DIAPH1: variants seen among roughly 807,000 people sequenced by gnomAD.
The protein encoded by DIAPH1 is protein diaphanous homolog 1.
DIAPH1 carries 46 observed loss-of-function variants against 140.7 expected under a neutral mutation model. The observed-to-expected ratio is 0.33, with a 90% CI of 0.26 to 0.42. The LOEUF is 0.42. DIAPH1 is among the 10% of genes least tolerant of loss of function. DIAPH1 has a pLI of 1.00. For synonymous variants in DIAPH1, 565 were observed against 551.6 expected (o/e 1.02, Z -0.34); for missense variants, 1,310 against 1,558.7 (o/e 0.84, Z 2.69).
intron 24 of DIAPH1, among the ~76,000 whole-genome samples, chr5:141,527,208 T>C (rs973626780): frequency 6.6e-6 from 1 of 152,014 alleles, no homozygotes; most frequent in Admixed American, 6.6e-5. Context: ...TCAGGAACTA[T>C]GCAGCCTGGG....
chr5:141,579,725 G>A (rs1015735659), intron 8 of DIAPH1, among the ~76,000 whole-genome samples: 5 of 152,018 alleles, frequency 3.3e-5, no homozygotes, highest in East Asian at 1.9e-4. Context: ...CGAGGCGGGC[G>A]GATCACAAGG....
At chr5:141,575,485 C>T (rs1217534384) in intron 14 of DIAPH1, among the ~76,000 whole-genome samples, 1 of 152,074 alleles carries the variant, frequency 6.6e-6, no homozygotes, top group East Asian at 1.9e-4. Flanking sequence ...CTAGCCTCTA[C>T]CAAAAATACA....
chr5:141,535,840 G>C (rs759119881), intron 18 of DIAPH1, among the ~76,000 whole-genome samples: 4 of 152,218 alleles, frequency 2.6e-5, no homozygotes, highest in Admixed American at 6.5e-5. Context: ...AGCTGCCTCT[G>C]AGCAGAGGAA....
intron 4 of DIAPH1, 78 bp from the exon 5 acceptor site, chr5:141,583,693 T>C (rs2099897108): frequency 6.4e-7 from 1 of 1,562,972 alleles, no homozygotes. Flanking sequence ...TCAATAGAGT[T>C]TATACTTTAT....
At chr5:141,609,033 T>A (rs2099901388) in intron 1 of DIAPH1, among the ~76,000 whole-genome samples, 2 of 152,100 alleles carry the variant, frequency 1.3e-5, no homozygotes, top group Admixed American at 1.3e-4. Context: ...AAAATAATAA[T>A]TTAAGCATCA....
At chr5:141,541,929 C>T (rs2099890048) in intron 18 of DIAPH1, among the ~76,000 whole-genome samples, 1 of 152,094 alleles carries the variant, frequency 6.6e-6, no homozygotes, top group Non-Finnish European at 1.5e-5. Flanking sequence ...GTTCATAGAA[C>T]ATAAAATTCA....
chr5:141,577,030 T>C (rs1337050070), intron 12 of DIAPH1, among the ~76,000 whole-genome samples, 159 bp from the exon 13 acceptor site: 1 of 152,180 alleles, frequency 6.6e-6, no homozygotes, highest in East Asian at 1.9e-4. Flanking sequence ...GAAAACTCCT[T>C]TTTCCACATC....
intron 18 of DIAPH1, chr5:141,535,965 AC>A (rs2099888943): frequency 4.3e-6 from 2 of 464,166 alleles, no homozygotes; most frequent in African/African-American, 2.0e-5. Flanking sequence ...AAGAATTAAA[AC>A]AAAAAAGTTA....
rs1362380238 is a variant in DIAPH1, at chr5:141,583,623, G to A, written c.403-8C>T. 6.2e-7 allele frequency: 1 copy of A among 1,614,106 alleles called. No homozygotes were observed. The highest frequency in any genetic ancestry group is 8.5e-7 in the Non-Finnish European group (1 of 1,180,046). Reference sequence around the variant, plus strand: ...CTCCTTCTGGCTCATGCCCTAGACAGAAGGCATAGACAGAGATTAGTAATG... The same window carrying A: ...CTCCTTCTGGCTCATGCCCTAGACAAAAGGCATAGACAGAGATTAGTAATG... On this transcript the variant is annotated splice_region_variant and splice_polypyrimidine_tract_variant and intron_variant, in intron 4 of 27. Transcript: ENST00000389054.
intron 1 of DIAPH1, 104 bp downstream of exon 1, chr5:141,618,694 C>G: frequency 1.4e-6 from 1 of 729,344 alleles, no homozygotes; most frequent in East Asian, 3.4e-5. Flanking sequence ...AAGGAAGGCG[C>G]GGGGGCGGCT....
At chr5:141,577,922 A>C (rs1479927888) in intron 11 of DIAPH1, 11 of 520,302 alleles carry the variant, frequency 2.1e-5, no homozygotes, top group Non-Finnish European at 3.5e-6. Context: ...TGTCAGTCCA[A>C]ACATCTCTAA....
At chr5:141,557,386 G>T (rs894741736) in intron 18 of DIAPH1, among the ~76,000 whole-genome samples, 8 of 152,062 alleles carry the variant, frequency 5.3e-5, no homozygotes, top group Non-Finnish European at 1.2e-4. Context: ...TTTTTAAATG[G>T]GTGATGGACA....
chr5:141,615,144 T>A (rs997278371), intron 1 of DIAPH1, among the ~76,000 whole-genome samples: 2 of 152,066 alleles, frequency 1.3e-5, no homozygotes, highest in African/African-American at 4.8e-5. Context: ...ATAGTAAAAA[T>A]CATTCTCTTG....
chr5:141,534,911 T>C (rs2099888778), intron 18 of DIAPH1, among the ~76,000 whole-genome samples: 1 of 152,200 alleles, frequency 6.6e-6, no homozygotes. Context: ...CTTCCTTTTG[T>C]GCCTATTTAA....
At position 141,578,569 on chromosome 5, in the gene DIAPH1, G is replaced by C. The variant is rs1303310814; in HGVS notation, c.990C>G (p.Phe330Leu). 6.2e-7 allele frequency: 1 copy of C among 1,613,920 alleles called. No individual in the cohort carries two copies. Among genetic ancestry groups the C allele is most frequent in the Non-Finnish European group, 8.5e-7 (1 of 1,180,022 alleles). Reference sequence around the variant, plus strand: ...TCAGTTCACTTCTGATGTGAACTCGGAAGTCAAGTTCCTCCGCTGGTGTGA... The same window carrying C: ...TCAGTTCACTTCTGATGTGAACTCGCAAGTCAAGTTCCTCCGCTGGTGTGA... Reference protein sequence around the residue: ...ALITPAEELDFRVHIRSELMR... With the variant: ...ALITPAEELDLRVHIRSELMR... The change falls in exon 10 of 28, where the codon TTC becomes TTG. Residue 330 changes from phenylalanine (F) to leucine (L), a missense_variant. Phe to Leu is a conservative substitution (Grantham distance 22). This residue lies in a region of DIAPH1 where 377 missense variants were observed against 497.1 expected (regional missense o/e 0.76). Transcript: ENST00000389054.
chr5:141,516,782 T>C lies in DIAPH1; in HGVS notation c.*69A>G. On this transcript the variant is annotated 3_prime_UTR_variant, in exon 28 of 28. Transcript: ENST00000389054. The stretch of plus-strand genomic sequence containing the variant: ...CCAGAGGAATATCCCCTTGAGCCTT[T>C]AGGCACATGCTGCAGGGCAGGACAG... 1.9e-6 allele frequency: 3 copies of C among 1,591,326 alleles called. No individual in the cohort carries two copies. In the Admixed American group the frequency reaches 5.0e-5, roughly 27 times the overall value.
At chr5:141,534,289 A>G in intron 19 of DIAPH1, 46 bp downstream of exon 19, 1 of 1,459,300 alleles carries the variant, frequency 6.9e-7, no homozygotes. Context: ...AAATTCTTAA[A>G]AGAATTCCTT....
intron 1 of DIAPH1, among the ~76,000 whole-genome samples, chr5:141,588,550 G>A (rs1169624637): frequency 6.6e-6 from 1 of 151,338 alleles, no homozygotes; most frequent in Admixed American, 6.6e-5. Context: ...TATAAGATAT[G>A]CTCAACTTCA....
chr5:141,523,728 G>A (rs1212198720), intron 27 of DIAPH1, among the ~76,000 whole-genome samples: 9 of 150,568 alleles, frequency 6.0e-5, no homozygotes, highest in Non-Finnish European at 1.2e-4. Context: ...TTCTCTCTAC[G>A]TATGTCTTCT....
Sources: gnomAD v4.1 joint callset for allele counts (sites outside exome capture counted in the v4.1 genomes callset) on GRCh38, gnomAD v4.1.1 for gene constraint, gnomAD v4.1.1 regional missense constraint, MANE v1.5 for transcripts, NCBI Gene and HGNC (gene_info 2026-07-23, HGNC 2026-07-21) for gene names.